RABIF: variants seen among roughly 807,000 people sequenced by gnomAD.
RABIF encodes RAB interacting factor.
RABIF carries 13 observed loss-of-function variants against 12.3 expected under a neutral mutation model. That is an observed-to-expected ratio of 1.06 (90% CI 0.69 to 1.68). RABIF has a LOEUF of 1.68. RABIF is among the 40% of genes most tolerant of loss of function. The probability of loss-of-function intolerance (pLI) is 0.00; values close to 1 mark genes in which losing one functional copy is unlikely to be tolerated. For synonymous variants in RABIF, 70 were observed against 63.3 expected (o/e 1.11, Z -0.50); for missense variants, 153 against 158.0 (o/e 0.97, Z 0.17).
chr1:202,888,109 G>A (rs923718199), intron 1 of RABIF, among the ~76,000 whole-genome samples: 1 of 152,120 alleles, frequency 6.6e-6, no homozygotes, highest in African/African-American at 2.4e-5. Flanking sequence ...TTCACCATCT[G>A]TTCAAGCACG....
chr1:202,889,060 G>C lies in RABIF; in HGVS notation c.39C>G (p.Ala13=), dbSNP rs764394424. ...PAEQPSELVS[A]EGRNRKAVLC... is the part of the protein sequence containing the mutation. ...GCACCGCCTTCCGGTTTCGGCCCTC[G>C]GCTGACACTAACTCGCTCGGCTGCT... The change falls in exon 1 of 2, where the codon GCC becomes GCG. Residue 13 remains alanine, a synonymous_variant. Coordinates refer to ENST00000367262, the MANE Select transcript of RABIF (RefSeq NM_002871.5). 6.2e-7 allele frequency: 1 copy of C among 1,611,208 alleles called. No homozygotes were observed. Among genetic ancestry groups the C allele is most frequent in the Non-Finnish European group, 8.5e-7 (1 of 1,179,064 alleles).
chr1:202,883,758 G>T (rs78588960), intron 1 of RABIF, among the ~76,000 whole-genome samples: 306 of 152,250 alleles, frequency 2.0e-3, no homozygotes, highest in Middle Eastern at 3.4e-3. Flanking sequence ...TTTGATTTGT[G>T]ATTTAAAGGT....
intron 1 of RABIF, among the ~76,000 whole-genome samples, chr1:202,887,498 CTT>C (rs34615240): frequency 2.9e-3 from 367 of 126,622 alleles, no homozygotes; most frequent in South Asian, 0.017. Context: ...GGTTAAATAA[CTT>C]TTTTTTTTTT....
Position 202,879,141 on chromosome 1 carries a change from T to C in RABIF, c.*1837A>G, listed in dbSNP as rs1659452010. 1 of 152,222 alleles carries C rather than the reference T, an allele frequency of 6.6e-6. No homozygotes were observed. The highest frequency in any genetic ancestry group is 2.4e-5 in the African/African-American group (1 of 41,452). 9.4% of individuals were successfully genotyped at this position (152,222 alleles called of 1,614,324 possible). Reference sequence around the variant, plus strand: ...TGCAAATTAAAACAATGAAATACTATGGTTTCCTATTCAAGTCGCTATATA... The same window carrying C: ...TGCAAATTAAAACAATGAAATACTACGGTTTCCTATTCAAGTCGCTATATA... On this transcript the variant is annotated 3_prime_UTR_variant, in exon 2 of 2. Coordinates refer to ENST00000367262, the MANE Select transcript of RABIF (RefSeq NM_002871.5).
chr1:202,880,894 G>T lies in RABIF; in HGVS notation c.*84C>A. On this transcript the variant is annotated 3_prime_UTR_variant, in exon 2 of 2. Transcript: ENST00000367262. The stretch of plus-strand genomic sequence containing the variant: ...ATATTAGCACAGACAAGAAGGCAGC[G>T]GAACAGTTATACCACATTAAAGGCC... 1 of 1,552,416 alleles carries T rather than the reference G, an allele frequency of 6.4e-7. No individual in the cohort carries two copies. The highest frequency in any genetic ancestry group is 8.7e-7 in the Non-Finnish European group (1 of 1,148,990).
rs1285037265 is a variant in RABIF at position 202,884,168 on chromosome 1, A to G, written c.127-2945T>C. On this transcript the variant is annotated intron_variant, in intron 1 of 1. Transcript: ENST00000367262. ...CCTCTTCAGAAATAGACAGAACGCC[A>G]CAACTCAGTGAGACTCTGCTGATAT... Among the ~76,000 whole-genome samples, 5 of 152,224 alleles carry G rather than the reference A, an allele frequency of 3.3e-5. No individual in the cohort carries two copies. The East Asian group carries it at 9.6e-4, about 29-fold the overall frequency.
At chr1:202,884,241 T>A (rs943616171) in intron 1 of RABIF, among the ~76,000 whole-genome samples, 1 of 152,236 alleles carries the variant, frequency 6.6e-6, no homozygotes, top group African/African-American at 2.4e-5. Flanking sequence ...TTTCTCATTG[T>A]AAAAATACAT....
intron 1 of RABIF, among the ~76,000 whole-genome samples, chr1:202,883,940 C>T (rs554124895): frequency 2.0e-5 from 3 of 152,256 alleles, no homozygotes; most frequent in Admixed American, 6.5e-5. Context: ...ACTGCAATGC[C>T]AAGGACCATT....
At position 202,889,143 on chromosome 1, in the gene RABIF, TG is replaced by T. The variant is rs1382234044; in HGVS notation, c.-46del. Reference sequence around the variant, plus strand: ...TCCTCAGCCACGGCTGCGCAGACGCTGTCTCTGCTGGCTCGTTATTCACTGC... The same window carrying T: ...TCCTCAGCCACGGCTGCGCAGACGCTTCTCTGCTGGCTCGTTATTCACTGC... On this transcript the variant is annotated 5_prime_UTR_variant, in exon 1 of 2. Coordinates refer to ENST00000367262, the MANE Select transcript of RABIF (RefSeq NM_002871.5). 6.4e-7 allele frequency: 1 copy of T among 1,567,664 alleles called. No homozygotes were observed. Among genetic ancestry groups the T allele is most frequent in the Admixed American group, 1.8e-5 (1 of 54,248 alleles).
Position 202,881,306 on chromosome 1 carries a change from T to C in RABIF, c.127-83A>G. The C allele has an allele frequency of 4.6e-6, 7 of 1,507,826 alleles. No individual in the cohort carries two copies. In the South Asian group the frequency reaches 9.5e-5, roughly 20 times the overall value. 93.4% of individuals were successfully genotyped at this position (1,507,826 alleles called of 1,614,324 possible). A position where few individuals can be genotyped will look rare whatever the true frequency, so the allele number is the denominator to read the frequency against. On this transcript the variant is annotated intron_variant, in intron 1 of 1. Coordinates refer to ENST00000367262, the MANE Select transcript of RABIF (RefSeq NM_002871.5). ...ACCCCCGTTCTAGGTACACTTCACA[T>C]TGCTCCCTAGCAGGAATGACAAAAA...
At chr1:202,883,834 T>A (rs1049312878) in intron 1 of RABIF, among the ~76,000 whole-genome samples, 10 of 152,130 alleles carry the variant, frequency 6.6e-5, no homozygotes, top group African/African-American at 2.4e-4. Flanking sequence ...TCCTCAACAT[T>A]CCCATTTTAA....
intron 1 of RABIF, among the ~76,000 whole-genome samples, chr1:202,882,868 C>A (rs1659512268): frequency 1.3e-5 from 2 of 152,004 alleles, no homozygotes; most frequent in Admixed American, 1.3e-4. Context: ...AGAGAATGAA[C>A]ATAGAATATC....
chr1:202,886,772 TCGCTCTGTCA>T (rs1021299467), intron 1 of RABIF, among the ~76,000 whole-genome samples: 4 of 150,478 alleles, frequency 2.7e-5, no homozygotes, highest in African/African-American at 9.8e-5. Context: ...AGACGGAGTC[TCGCTCTGTCA>T]CTCAGGCTGG....
chr1:202,882,102 A>G (rs1184105837), intron 1 of RABIF, among the ~76,000 whole-genome samples: 1 of 152,216 alleles, frequency 6.6e-6, no homozygotes, highest in African/African-American at 2.4e-5. Context: ...AGCCAGGGCT[A>G]GGCGTGGTGG....
chr1:202,886,325 G>A (rs1340467378), intron 1 of RABIF, among the ~76,000 whole-genome samples: 1 of 112,576 alleles, frequency 8.9e-6, no homozygotes, highest in African/African-American at 3.3e-5. Flanking sequence ...AGGGGAGTGG[G>A]AAGGGAAGGG....
At chr1:202,883,620 G>C (rs1272281359) in intron 1 of RABIF, among the ~76,000 whole-genome samples, 1 of 152,158 alleles carries the variant, frequency 6.6e-6, no homozygotes, top group Admixed American at 6.5e-5. Context: ...CAAGAATTCA[G>C]TGTGTCCAAC....
At chr1:202,881,471 A>C (rs1365421882) in intron 1 of RABIF, among the ~76,000 whole-genome samples, 1 of 151,748 alleles carries the variant, frequency 6.6e-6, no homozygotes, top group Non-Finnish European at 1.5e-5. Flanking sequence ...GCGCGATCTC[A>C]GCTCACTGCA....
At chr1:202,886,571 G>T (rs7541685) in intron 1 of RABIF, among the ~76,000 whole-genome samples, 151,858 of 151,946 alleles carry the variant, frequency 1, 75,885 homozygotes, top group Middle Eastern at 1. Context: ...GGCGACAGAG[G>T]GAGACTCCAT....
In RABIF at chr1:202,888,885, A is replaced by T. The variant is rs964367800; in HGVS notation, c.126+88T>A. The T allele has an allele frequency of 5.6e-6, 8 of 1,420,278 alleles. No individual in the cohort carries two copies. The African/African-American group carries it at 1.2e-4, about 21-fold the overall frequency. The allele number at this position is 1,420,278 out of a possible 1,614,324, so 88.0% of individuals were successfully genotyped here. A position where few individuals can be genotyped will look rare whatever the true frequency, so the allele number is the denominator to read the frequency against. On this transcript the variant is annotated intron_variant, in intron 1 of 1. Coordinates refer to ENST00000367262, the MANE Select transcript of RABIF (RefSeq NM_002871.5). Reference sequence around the variant, plus strand: ...CGCGCGAGGAGGGCGCGGTTGCCGGAAATTGAAGAGCCGGGGTTCAGATTC... The same window carrying T: ...CGCGCGAGGAGGGCGCGGTTGCCGGTAATTGAAGAGCCGGGGTTCAGATTC...
Sources: gnomAD v4.1 joint callset for allele counts (sites outside exome capture counted in the v4.1 genomes callset) on GRCh38, gnomAD v4.1.1 for gene constraint, MANE v1.5 for transcripts, NCBI Gene and HGNC (gene_info 2026-07-23, HGNC 2026-07-21) for gene names.